Variants in SLC4A10 observed in about 807,000 individuals in gnomAD.
SLC4A10 encodes the protein solute carrier family 4 member 10, also known as sodium-driven chloride bicarbonate exchanger.
Under a neutral mutation model 137.7 loss-of-function variants are expected in SLC4A10, and 42 were observed. The ratio of observed to expected loss-of-function variants is 0.30; its 90% CI spans 0.24 to 0.39. The LOEUF is 0.39. Ranked by LOEUF, SLC4A10 falls within the 10% of genes least tolerant of loss-of-function variation. The pLI is 1.00. For synonymous variants in SLC4A10, 474 were observed against 464.1 expected (o/e 1.02, Z -0.27); for missense variants, 925 against 1,355.0 (o/e 0.68, Z 4.98).
intron 1 of SLC4A10, among the ~76,000 whole-genome samples, chr2:161,685,589 C>T (rs975447859): frequency 4.0e-5 from 6 of 148,904 alleles, no homozygotes; most frequent in African/African-American, 1.5e-4. Context: ...GCCTGGGTGA[C>T]AGAGGGAGAG....
intron 1 of SLC4A10, among the ~76,000 whole-genome samples, chr2:161,670,680 A>G (rs1459647982): frequency 6.6e-6 from 1 of 152,006 alleles, no homozygotes; most frequent in Non-Finnish European, 1.5e-5. Flanking sequence ...GTGTTTTTAT[A>G]GTTTGGTCCA....
At chr2:161,755,046 A>G (rs956774145) in intron 1 of SLC4A10, among the ~76,000 whole-genome samples, 1 of 152,186 alleles carries the variant, frequency 6.6e-6, no homozygotes, top group Non-Finnish European at 1.5e-5. Context: ...TGTTCTTTTT[A>G]GTGTTCATTA....
At chr2:161,951,054 G>A (rs187824885) in intron 19 of SLC4A10, among the ~76,000 whole-genome samples, 1 of 152,214 alleles carries the variant, frequency 6.6e-6, no homozygotes, top group East Asian at 1.9e-4. Flanking sequence ...CTGAGCTCAC[G>A]TCTGAGAACT....
rs530513122 is a variant in SLC4A10 at position 161,935,895 on chromosome 2, C to T, written c.1998-6897C>T. Among the ~76,000 whole-genome samples the T allele has an allele frequency of 2.0e-5, 3 of 152,184 alleles. No individual in the cohort carries two copies. In the East Asian group the frequency reaches 5.8e-4, roughly 29 times the overall value. ...TGCAGGAAAACCTTTCAACTTTTCA[C>T]CATTGAATAAGATATTAGCTGTGGG... On this transcript the variant is annotated intron_variant, in intron 15 of 26. Transcript: ENST00000446997.
Position 161,949,273 on chromosome 2 carries a change from C to G in SLC4A10, c.2379+12C>G, listed in dbSNP as rs576124587. 18 of 1,499,120 alleles carry G rather than the reference C, an allele frequency of 1.2e-5. 1 individual carries two copies. The Middle Eastern group carries it at 1.7e-3, about 143-fold the overall frequency. 92.9% of individuals were successfully genotyped at this position (1,499,120 alleles called of 1,614,324 possible). On this transcript the variant is annotated intron_variant, in intron 18 of 26. Coordinates refer to ENST00000446997, the MANE Select transcript of SLC4A10 (RefSeq NM_001178015.2). ...CAAGTGTTTTCAAGGTACTTACTATCTCTCTCCCTCTTCCCATCTCTCTCG... is the reference window on the plus strand; with the variant it reads ...CAAGTGTTTTCAAGGTACTTACTATGTCTCTCCCTCTTCCCATCTCTCTCG...
At chr2:161,823,000 CT>C (rs200946522) in intron 3 of SLC4A10, among the ~76,000 whole-genome samples, 48 of 151,134 alleles carry the variant, frequency 3.2e-4, no homozygotes, top group Non-Finnish European at 5.0e-4. Context: ...TATATATATA[CT>C]TTTTTTTTAG....
intron 6 of SLC4A10, among the ~76,000 whole-genome samples, chr2:161,867,174 T>C (rs983307077): frequency 6.6e-6 from 1 of 151,986 alleles, no homozygotes; most frequent in Non-Finnish European, 1.5e-5. Context: ...TGTACACATA[T>C]GTATTGTGCA....
intron 1 of SLC4A10, among the ~76,000 whole-genome samples, chr2:161,739,224 C>G (rs2125234431): frequency 6.6e-6 from 1 of 152,306 alleles, no homozygotes; most frequent in East Asian, 1.9e-4. Flanking sequence ...TCGCTACCCT[C>G]TTTTATCCAG....
chr2:161,869,052 A>G (rs986236092), intron 6 of SLC4A10, among the ~76,000 whole-genome samples: 3 of 151,714 alleles, frequency 2.0e-5, no homozygotes, highest in Non-Finnish European at 4.4e-5. Context: ...AAATTACAGT[A>G]TACAATTAGC....
intron 1 of SLC4A10, among the ~76,000 whole-genome samples, chr2:161,695,793 T>C (rs1399955229): frequency 6.6e-6 from 1 of 152,170 alleles, no homozygotes; most frequent in Non-Finnish European, 1.5e-5. Flanking sequence ...CTTAATAGGC[T>C]AATTCCTGCA....
chr2:161,686,983 G>T (rs1314109612), intron 1 of SLC4A10, among the ~76,000 whole-genome samples: 1 of 148,700 alleles, frequency 6.7e-6, no homozygotes. Flanking sequence ...CCCGGGTTCA[G>T]GCGATTCTCC....
intron 6 of SLC4A10, among the ~76,000 whole-genome samples, chr2:161,863,410 T>A (rs1175249628): frequency 6.6e-6 from 1 of 152,188 alleles, no homozygotes; most frequent in Non-Finnish European, 1.5e-5. Flanking sequence ...AATGCAGGGC[T>A]TTGACTTACG....
At chr2:161,838,605 G>A (rs1324897980) in intron 3 of SLC4A10, among the ~76,000 whole-genome samples, 1 of 152,156 alleles carries the variant, frequency 6.6e-6, no homozygotes, top group East Asian at 1.9e-4. Context: ...TATCCAGAAT[G>A]TATAAAGAAG....
At chr2:161,854,178 C>G (rs1020675970) in intron 4 of SLC4A10, among the ~76,000 whole-genome samples, 2 of 152,138 alleles carry the variant, frequency 1.3e-5, no homozygotes, top group African/African-American at 4.8e-5. Flanking sequence ...AATTGGTCAT[C>G]TATTAGGATT....
At chr2:161,868,043 C>T (rs1482425752) in intron 6 of SLC4A10, among the ~76,000 whole-genome samples, 1 of 151,790 alleles carries the variant, frequency 6.6e-6, no homozygotes, top group African/African-American at 2.4e-5. Context: ...GTGGATTAAG[C>T]AGTAGAAAAT....
chr2:161,977,461 G>A (rs1699564325), intron 25 of SLC4A10: 1 of 470,792 alleles, frequency 2.1e-6, no homozygotes, highest in South Asian at 2.5e-5. Flanking sequence ...TGGAGGAAGA[G>A]TGTGTCCCTA....
chr2:161,919,781 C>A (rs571716172), intron 15 of SLC4A10, among the ~76,000 whole-genome samples: 1 of 152,238 alleles, frequency 6.6e-6, no homozygotes, highest in African/African-American at 2.4e-5. Flanking sequence ...TGAAACACAC[C>A]CCTGGCTCAC....
intron 21 of SLC4A10, among the ~76,000 whole-genome samples, chr2:161,963,855 C>G (rs1386790872): frequency 6.6e-6 from 1 of 152,166 alleles, no homozygotes; most frequent in Non-Finnish European, 1.5e-5. Context: ...GGGCTCCACT[C>G]TTCAAGGTAG....
chr2:161,753,091 C>T (rs868315768), intron 1 of SLC4A10, among the ~76,000 whole-genome samples: 3 of 151,986 alleles, frequency 2.0e-5, no homozygotes, highest in Admixed American at 6.6e-5. Context: ...AGTATTTCTC[C>T]TATGCAGAGA....
Sources: allele counts gnomAD v4.1 joint callset (sites outside exome capture counted in the v4.1 genomes callset), GRCh38; gene constraint gnomAD v4.1.1; transcripts MANE v1.5; gene names NCBI Gene and HGNC (gene_info 2026-07-23, HGNC 2026-07-21).